The following GPR39 variants were observed in gnomAD, a reference collection of about 807,000 sequenced individuals.
GPR39 encodes G protein-coupled receptor 39.
Under a neutral mutation model 18.4 loss-of-function variants are expected in GPR39, and 23 were observed. The ratio of observed to expected loss-of-function variants is 1.25; its 90% CI spans 0.90 to 1.77. GPR39 has a LOEUF of 1.77. Among genes scored for constraint, GPR39 ranks in the 40% most tolerant of loss-of-function variants. The pLI is 0.00. For synonymous variants in GPR39, 280 were observed against 257.9 expected, an observed-to-expected ratio of 1.09 and a Z score of -0.82; for missense variants, 647 against 602.4, an observed-to-expected ratio of 1.07 and a Z score of -0.78.
At chr2:132,540,252 T>A (rs958597627) in intron 1 of GPR39, among the ~76,000 whole-genome samples, 169 of 89,798 alleles carry the variant, frequency 1.9e-3, no homozygotes, top group African/African-American at 8.9e-3. Flanking sequence ...CTGCACAAGC[T>A]TGACAGCAGG....
intron 1 of GPR39, among the ~76,000 whole-genome samples, chr2:132,427,877 A>C (rs1212747355): frequency 1.1e-5 from 1 of 90,804 alleles, no homozygotes; most frequent in Non-Finnish European, 2.4e-5. Context: ...GCTGTACTTC[A>C]TATATATATA....
intron 1 of GPR39, among the ~76,000 whole-genome samples, chr2:132,502,551 G>A (rs754856570): frequency 3.3e-5 from 5 of 152,120 alleles, no homozygotes; most frequent in South Asian, 2.1e-4. Flanking sequence ...GTATGTAGGC[G>A]ATGATCTCTT....
chr2:132,417,021 T>C lies in GPR39; in HGVS notation c.-22T>C. ...GGGAAGTTGAGAAAGTCTTTGGACC[T>C]GGTAGCCTGGTGCTCTTTCTCATGG... is the stretch of plus-strand genomic sequence containing the variant. On this transcript the variant is annotated 5_prime_UTR_variant, in exon 1 of 2. Coordinates refer to ENST00000329321, the MANE Select transcript of GPR39 (RefSeq NM_001508.3). 1 of 1,607,890 alleles carries C rather than the reference T, an allele frequency of 6.2e-7. No homozygotes were observed.
chr2:132,440,057 A>C (rs1680405588), intron 1 of GPR39, among the ~76,000 whole-genome samples: 1 of 152,068 alleles, frequency 6.6e-6, no homozygotes, highest in African/African-American at 2.4e-5. Context: ...TGACCACAGA[A>C]CCCTCCTAAC....
intron 1 of GPR39, among the ~76,000 whole-genome samples, chr2:132,613,187 A>G (rs140608932): frequency 1.9e-3 from 295 of 152,288 alleles, no homozygotes; most frequent in African/African-American, 6.8e-3. Context: ...GTGACTAATG[A>G]GGGTTTTATT....
At chr2:132,545,823 T>C (rs1679938464) in intron 1 of GPR39, among the ~76,000 whole-genome samples, 1 of 152,112 alleles carries the variant, frequency 6.6e-6, no homozygotes, top group South Asian at 2.1e-4. Flanking sequence ...AGCTCCCAGG[T>C]GATGCAGATA....
At chr2:132,492,546 A>G in intron 1 of GPR39, among the ~76,000 whole-genome samples, 1 of 143,214 alleles carries the variant, frequency 7.0e-6, no homozygotes, top group Non-Finnish European at 1.5e-5. Context: ...TACACCATAT[A>G]TATACACCAT....
At chr2:132,585,126 C>T (rs1680701480) in intron 1 of GPR39, among the ~76,000 whole-genome samples, 1 of 152,194 alleles carries the variant, frequency 6.6e-6, no homozygotes, top group South Asian at 2.1e-4. Context: ...CCCACACTCC[C>T]TCAACCTCAC....
At chr2:132,538,343 C>A (rs1277366843) in intron 1 of GPR39, among the ~76,000 whole-genome samples, 1 of 152,224 alleles carries the variant, frequency 6.6e-6, no homozygotes, top group Non-Finnish European at 1.5e-5. Flanking sequence ...TGGGTATCCT[C>A]TCCAGACCCT....
intron 1 of GPR39, among the ~76,000 whole-genome samples, chr2:132,617,649 C>T (rs573568671): frequency 1.5e-4 from 23 of 151,912 alleles, no homozygotes; most frequent in Non-Finnish European, 2.9e-4. Flanking sequence ...TTTTGTCATA[C>T]GTATAGGAAA....
Position 132,645,148 on chromosome 2 carries a change from C to T in GPR39, c.904C>T (p.Arg302Trp), listed in dbSNP as rs780598440. ...LAVCWMPNQI[R>W]RIMAAAKPKH... ...CGTATGCTGGATGCCCAACCAGATT[C>T]GGAGGATCATGGCTGCGGCCAAACC... The change falls in exon 2 of 2, where the codon CGG becomes TGG. Residue 302 changes from arginine (R) to tryptophan (W), a missense_variant. Physicochemically the swap from Arg to Trp is moderately radical, Grantham distance 101. Around this residue, in one of 3 missense-constraint regions of GPR39, gnomAD observed 581 missense variants for 506.8 expected, o/e 1.15. Coordinates refer to ENST00000329321, the MANE Select transcript of GPR39 (RefSeq NM_001508.3). 9.3e-6 allele frequency: 15 copies of T among 1,614,084 alleles called. No homozygotes were observed. Among genetic ancestry groups the T allele is most frequent in the South Asian group, 3.3e-5 (3 of 91,050 alleles).
At chr2:132,474,005 G>A (rs1681080478) in intron 1 of GPR39, among the ~76,000 whole-genome samples, 1 of 152,174 alleles carries the variant, frequency 6.6e-6, no homozygotes, top group Non-Finnish European at 1.5e-5. Context: ...AAATAATCCA[G>A]TGTGGGTCAG....
At chr2:132,545,822 G>A (rs918786070) in intron 1 of GPR39, among the ~76,000 whole-genome samples, 2 of 152,128 alleles carry the variant, frequency 1.3e-5, no homozygotes, top group African/African-American at 4.8e-5. Flanking sequence ...AAGCTCCCAG[G>A]TGATGCAGAT....
intron 1 of GPR39, among the ~76,000 whole-genome samples, chr2:132,581,679 T>C (rs1018197020): frequency 6.6e-6 from 1 of 152,132 alleles, no homozygotes; most frequent in Non-Finnish European, 1.5e-5. Context: ...ACAGGCAAGA[T>C]AGACTGACTC....
At chr2:132,570,005 C>T (rs1251284298) in intron 1 of GPR39, among the ~76,000 whole-genome samples, 3 of 152,150 alleles carry the variant, frequency 2.0e-5, no homozygotes, top group Non-Finnish European at 4.4e-5. Flanking sequence ...TCTTTAAGGG[C>T]AGTGGGAAAG....
At chr2:132,613,698 C>G (rs564936895) in intron 1 of GPR39, among the ~76,000 whole-genome samples, 5 of 152,260 alleles carry the variant, frequency 3.3e-5, no homozygotes, top group African/African-American at 1.2e-4. Context: ...CCTCCTCATC[C>G]TTGTCCTGAT....
chr2:132,609,036 TGA>T (rs1681192353), intron 1 of GPR39, among the ~76,000 whole-genome samples: 1 of 151,922 alleles, frequency 6.6e-6, no homozygotes, highest in South Asian at 2.1e-4. Flanking sequence ...CAGAGAGCAG[TGA>T]GAGAGGATGT....
intron 1 of GPR39, among the ~76,000 whole-genome samples, chr2:132,491,856 A>G (rs1681468165): frequency 6.6e-6 from 1 of 151,782 alleles, no homozygotes; most frequent in South Asian, 2.1e-4. Context: ...TCCCCTGTGG[A>G]AGGTAGATGC....
intron 1 of GPR39, among the ~76,000 whole-genome samples, chr2:132,460,918 G>T (rs757898689): frequency 7.2e-5 from 11 of 152,170 alleles, no homozygotes; most frequent in African/African-American, 1.4e-4. Context: ...AGAGCAGGCT[G>T]CCAGGGACAT....
Sources: allele counts gnomAD v4.1 joint callset (sites outside exome capture counted in the v4.1 genomes callset), GRCh38; gene constraint gnomAD v4.1.1; regional missense constraint gnomAD v4.1.1; transcripts MANE v1.5; gene names NCBI Gene and HGNC (gene_info 2026-07-23, HGNC 2026-07-21).